The following ADCY5 variants were observed in gnomAD, a reference collection of about 807,000 sequenced individuals.
The protein encoded by ADCY5 is adenylate cyclase type 5.
A neutral mutation model predicts 119.7 loss-of-function variants in ADCY5; 30 were observed. The observed-to-expected ratio is 0.25, with a 90% confidence interval of 0.19 to 0.34. The LOEUF (loss-of-function observed/expected upper bound fraction) is 0.34, where lower values mean the gene tolerates loss of function less well. ADCY5 is among the 10% of genes least tolerant of loss of function. The pLI is 1.00. For synonymous variants in ADCY5, 753 were observed against 762.2 expected (o/e 0.99, Z 0.20); for missense variants, 1,324 against 1,775.2 (o/e 0.75, Z 4.57).
At chr3:123,405,710 C>T (rs1031397194) in intron 1 of ADCY5, among the ~76,000 whole-genome samples, 1 of 152,148 alleles carries the variant, frequency 6.6e-6, no homozygotes, top group Non-Finnish European at 1.5e-5. Context: ...TCTTGGCTCA[C>T]TGCAACCTCC....
chr3:123,435,851 TTTATTATTATTATTATTATTA>T (rs34160272), intron 1 of ADCY5, among the ~76,000 whole-genome samples: 19 of 125,884 alleles, frequency 1.5e-4, no homozygotes, highest in South Asian at 3.0e-4. Flanking sequence ...CAAGAGCCCT[TTTATTATTATTATTATTATTA>T]TTATTATTAT....
intron 1 of ADCY5, among the ~76,000 whole-genome samples, chr3:123,422,898 A>T (rs1945328639): frequency 6.6e-6 from 1 of 152,228 alleles, no homozygotes; most frequent in African/African-American, 2.4e-5. Context: ...AGACACAGAG[A>T]TACCACCCGA....
chr3:123,319,029 C>T (rs1941074068), intron 10 of ADCY5, among the ~76,000 whole-genome samples: 1 of 152,136 alleles, frequency 6.6e-6, no homozygotes, highest in Admixed American at 6.5e-5. Flanking sequence ...TAATATGCAC[C>T]GAACGCCTAC....
At chr3:123,446,282 G>A (rs1945811179) in intron 1 of ADCY5, among the ~76,000 whole-genome samples, 1 of 152,220 alleles carries the variant, frequency 6.6e-6, no homozygotes, top group Non-Finnish European at 1.5e-5. Context: ...CTAAGAGAAG[G>A]CACTAGAAGA....
chr3:123,433,829 A>C (rs895746575), intron 1 of ADCY5, among the ~76,000 whole-genome samples: 7 of 152,120 alleles, frequency 4.6e-5, no homozygotes, highest in Admixed American at 4.6e-4. Flanking sequence ...AGAGCTGAGC[A>C]GTTGTAACAT....
intron 1 of ADCY5, among the ~76,000 whole-genome samples, chr3:123,412,693 G>C (rs891530149): frequency 6.6e-6 from 1 of 151,980 alleles, no homozygotes; most frequent in Admixed American, 6.6e-5. Context: ...AAGCCTCTGG[G>C]ATCCAACTCC....
chr3:123,306,741 G>A (rs553850800), intron 12 of ADCY5, among the ~76,000 whole-genome samples: 1 of 152,264 alleles, frequency 6.6e-6, no homozygotes, highest in East Asian at 1.9e-4. Context: ...CCACTTCTGG[G>A]TATATCCCCC....
chr3:123,397,699 C>A (rs1944642279), intron 1 of ADCY5, among the ~76,000 whole-genome samples: 1 of 152,216 alleles, frequency 6.6e-6, no homozygotes, highest in South Asian at 2.1e-4. Flanking sequence ...TTCTTCTGTT[C>A]TGCAGGGAAG....
At chr3:123,375,800 C>A (rs768334934) in intron 1 of ADCY5, among the ~76,000 whole-genome samples, 2 of 152,146 alleles carry the variant, frequency 1.3e-5, no homozygotes, top group African/African-American at 4.8e-5. Context: ...GGCAGAGTGA[C>A]CACGAGGGCC....
At chr3:123,339,908 G>C (rs182043385) in intron 3 of ADCY5, among the ~76,000 whole-genome samples, 3 of 152,178 alleles carry the variant, frequency 2.0e-5, no homozygotes, top group African/African-American at 7.2e-5. Context: ...GTGACCTCAG[G>C]GGGGAGTCTA....
rs897389496 is a variant in ADCY5, at chr3:123,413,635, C to T, written c.1134+33777G>A. ...CGATTAACAGCCTTTGGAAACAAGA[C>T]TGCAGGCCCATCCAAGTCACTCTGC... On this transcript the variant is annotated intron_variant, in intron 1 of 20. Coordinates refer to ENST00000462833, the MANE Select transcript of ADCY5 (RefSeq NM_183357.3). Among the ~76,000 whole-genome samples, 6 of 152,252 alleles carry T rather than the reference C, an allele frequency of 3.9e-5. No homozygotes were observed. The South Asian group carries it at 1.0e-3, about 26-fold the overall frequency.
At chr3:123,318,591 T>C (rs1393271046) in intron 10 of ADCY5, among the ~76,000 whole-genome samples, 1 of 152,184 alleles carries the variant, frequency 6.6e-6, no homozygotes, top group Non-Finnish European at 1.5e-5. Context: ...GCTCCGCCCA[T>C]GATACCAAGC....
intron 1 of ADCY5, among the ~76,000 whole-genome samples, chr3:123,439,650 G>GTATC (rs55877115): frequency 0.98 from 148,892 of 152,162 alleles, 72,930 homozygotes; most frequent in Middle Eastern, 1. Flanking sequence ...GTCTTGGGCT[G>GTATC]TATCCCCCTT....
rs1939489444 is a variant in ADCY5, at chr3:123,296,147, G to A, written c.3000C>T (p.Ala1000=). 1.9e-6 allele frequency: 3 copies of A among 1,613,894 alleles called. No individual in the cohort carries two copies. Among genetic ancestry groups the A allele is most frequent in the Non-Finnish European group, 2.5e-6 (3 of 1,179,996 alleles). Residue 1000 remains alanine, a synonymous_variant, in exon 17 of 21, where the codon GCC becomes GCT. Coordinates refer to ENST00000462833, the MANE Select transcript of ADCY5 (RefSeq NM_183357.3). ...TPIIISVFVL[A]LYLHAQQVES... is the part of the protein sequence containing the mutation. ...CCACCTGCTGGGCGTGCAGGTACAGGGCCAGCACAAAGACTGAGATGATGA... is the reference window on the plus strand; with the variant it reads ...CCACCTGCTGGGCGTGCAGGTACAGAGCCAGCACAAAGACTGAGATGATGA...
chr3:123,447,541 G>A lies in ADCY5; in HGVS notation c.1005C>T (p.Phe335=), dbSNP rs946339173. The A allele has an allele frequency of 1.9e-6, 3 of 1,609,646 alleles. No homozygotes were observed. The African/African-American group carries it at 4.0e-5, about 22-fold the overall frequency. The part of the protein sequence containing the change: ...ASEGIWWTVF[F]IYTIYTLLPV... ...GCAGCAGCGTGTAGATGGTGTAGATGAAGAACACGGTCCACCAGATGCCCT... is the reference window on the plus strand; with the variant it reads ...GCAGCAGCGTGTAGATGGTGTAGATAAAGAACACGGTCCACCAGATGCCCT... Residue 335 remains phenylalanine (F), a synonymous_variant, in exon 1 of 21, where the codon TTC becomes TTT. Coordinates refer to ENST00000462833, the MANE Select transcript of ADCY5 (RefSeq NM_183357.3).
At position 123,448,337 on chromosome 3, in the gene ADCY5, G is replaced by A. The variant is rs1945868086; in HGVS notation, c.209C>T (p.Ala70Val). The A allele has an allele frequency of 1.3e-6, 2 of 1,528,976 alleles. No homozygotes were observed. Among genetic ancestry groups the A allele is most frequent in the African/African-American group, 1.4e-5 (1 of 69,766 alleles). 94.7% of individuals were successfully genotyped at this position (1,528,976 alleles called of 1,614,324 possible). Residue 70 changes from alanine (A) to valine (V), a missense_variant, in exon 1 of 21, where the codon GCC becomes GTC. This residue lies in a region of ADCY5 where 585 missense variants were observed against 569.9 expected (regional missense o/e 1.03). Coordinates refer to ENST00000462833, the MANE Select transcript of ADCY5 (RefSeq NM_183357.3). ...AVTPQQQQRL[A>V]SRWRSDDDDD... Reference sequence around the variant, plus strand: ...GTCGTCGTCGCTGCGCCAGCGGCTGGCCAGGCGCTGCTGCTGCTGCGGGGT... The same window carrying A: ...GTCGTCGTCGCTGCGCCAGCGGCTGACCAGGCGCTGCTGCTGCTGCGGGGT...
intron 1 of ADCY5, among the ~76,000 whole-genome samples, chr3:123,443,920 A>G (rs1202932021): frequency 6.6e-6 from 1 of 152,194 alleles, no homozygotes; most frequent in African/African-American, 2.4e-5. Context: ...CAGACCATAG[A>G]GCTGCTGCTA....
intron 1 of ADCY5, among the ~76,000 whole-genome samples, chr3:123,372,876 A>AT (rs1438224413): frequency 6.6e-6 from 1 of 152,152 alleles, no homozygotes; most frequent in East Asian, 1.9e-4. Flanking sequence ...GGTTTTTAAA[A>AT]TTTTTTAAAA....
chr3:123,414,414 T>A (rs890462299), intron 1 of ADCY5, among the ~76,000 whole-genome samples: 1 of 152,228 alleles, frequency 6.6e-6, no homozygotes, highest in Non-Finnish European at 1.5e-5. Flanking sequence ...ACATGGCAAA[T>A]GCTCCTCGGA....
Sources: gnomAD v4.1 joint callset for allele counts (sites outside exome capture counted in the v4.1 genomes callset) on GRCh38, gnomAD v4.1.1 for gene constraint, gnomAD v4.1.1 regional missense constraint, MANE v1.5 for transcripts, NCBI Gene and HGNC (gene_info 2026-07-23, HGNC 2026-07-21) for gene names.